The following MEGF8 variants were observed in gnomAD, a reference collection of about 807,000 sequenced individuals.
MEGF8 encodes the protein multiple epidermal growth factor-like domains protein 8.
MEGF8 carries 156 observed loss-of-function variants against 302.9 expected under a neutral mutation model. The observed-to-expected ratio is 0.52, with a 90% CI of 0.45 to 0.59. The LOEUF (loss-of-function observed/expected upper bound fraction) is 0.59, where lower values mean the gene tolerates loss of function less well. Ranked by LOEUF, MEGF8 falls within the 20% of genes least tolerant of loss-of-function variation. The pLI, the probability that MEGF8 is intolerant of heterozygous loss-of-function variation, is 0.00. For missense variants in MEGF8, 3,345 were observed against 3,964.5 expected (o/e 0.84, Z 4.20); for synonymous variants, 1,621 against 1,660.5 (o/e 0.98, Z 0.58).
Position 42,351,812 on chromosome 19 carries a change from A to C in MEGF8, c.3101+51A>C, listed in dbSNP as rs1202327914. ...GGGTGCCCGGCTGTGTCCTTCCTCC[A>C]TGACCGGTCATTCTAATGGCCTCTT... On this transcript the variant is annotated intron_variant, in intron 18 of 41. Transcript: ENST00000251268. This position sits in a 1 kb window ranked among gnomAD's most constrained non-coding sequence, Gnocchi z 5.6. The C allele has an allele frequency of 2.1e-6, 3 of 1,446,066 alleles. No individual in the cohort carries two copies. Among genetic ancestry groups the C allele is most frequent in the Admixed American group, 2.0e-5 (1 of 50,764 alleles). The allele number at this position is 1,446,066 out of a possible 1,614,324, so 89.6% of individuals were successfully genotyped here. A position where few individuals can be genotyped will look rare whatever the true frequency, so the allele number is the denominator to read the frequency against.
At position 42,358,355 on chromosome 19, in the gene MEGF8, G is replaced by C. The variant is rs374378290; in HGVS notation, c.5175+48G>C. ...CAAGGATGTATGGGGCAGGAGGGAG[G>C]GGTCCTCTTTCCCAGTGCCCCAGGG... is the stretch of plus-strand genomic sequence containing the variant. On this transcript the variant is annotated intron_variant, in intron 29 of 41. Transcript: ENST00000251268. This position sits in a 1 kb window ranked among gnomAD's most constrained non-coding sequence, Gnocchi z 4.4. 2.0e-4 allele frequency: 309 copies of C among 1,534,190 alleles called. No homozygotes were observed. The highest frequency in any genetic ancestry group is 2.6e-4 in the Non-Finnish European group (299 of 1,146,286).
chr19:42,356,830 G>A lies in MEGF8; in HGVS notation c.4679G>A (p.Gly1560Asp). Residue 1560 changes from glycine (G) to aspartate (D), a missense_variant, in exon 27 of 42, where the codon GGC becomes GAC. Transcript: ENST00000251268. The surrounding 1 kb of genome is among the most constrained non-coding windows in gnomAD (Gnocchi z 5.2). ...TQMLAGAEDGGPGPSPRSFHA... is the reference protein window; with the variant it reads ...TQMLAGAEDGDPGPSPRSFHA... The stretch of plus-strand genomic sequence containing the variant: ...ATGCTGGCGGGAGCCGAGGACGGGG[G>A]CCCAGGCCCATCGCCCCGCTCCTTC... The A allele has an allele frequency of 6.4e-7, 1 of 1,561,968 alleles. No homozygotes were observed. The highest frequency in any genetic ancestry group is 8.7e-7 in the Non-Finnish European group (1 of 1,153,222).
chr19:42,358,720 G>C lies in MEGF8; in HGVS notation c.5176-67G>C, dbSNP rs2039488000. On this transcript the variant is annotated intron_variant, in intron 29 of 41. Coordinates refer to ENST00000251268, the MANE Select transcript of MEGF8 (RefSeq NM_001271938.2). The surrounding 1 kb of genome is among the most constrained non-coding windows in gnomAD (Gnocchi z 4.4). ...GTCCACACGTTTCCAAGCCCGTCTT[G>C]GAGGCAGGGGGCTAGAAGCAAGAGA... The C allele has an allele frequency of 4.8e-6, 7 of 1,454,494 alleles. No individual in the cohort carries two copies. Among genetic ancestry groups the C allele is most frequent in the East Asian group, 5.0e-5 (2 of 40,090 alleles). The allele number at this position is 1,454,494 out of a possible 1,614,324, so 90.1% of individuals were successfully genotyped here.
At chr19:42,335,863 C>G in intron 5 of MEGF8, 68 bp from the exon 6 acceptor site, 1 of 1,383,316 alleles carries the variant, frequency 7.2e-7, no homozygotes, top group Non-Finnish European at 9.5e-7. Flanking sequence ...CTCTGCATCT[C>G]TCTGTCTAAG....
At chr19:42,333,221 G>A (rs1201985360) in intron 1 of MEGF8, among the ~76,000 whole-genome samples, 1 of 152,198 alleles carries the variant, frequency 6.6e-6, no homozygotes, top group African/African-American at 2.4e-5. Context: ...GCCTGGACAT[G>A]TCTGAAACTC....
chr19:42,346,303 C>T (rs757501086), intron 12 of MEGF8, among the ~76,000 whole-genome samples: 26 of 152,072 alleles, frequency 1.7e-4, no homozygotes, highest in Non-Finnish European at 2.4e-4. Context: ...CCTGTAATTC[C>T]GGCCGAGGTG....
rs1220148858 is a variant in MEGF8 at position 42,370,683 on chromosome 19, C to G, written c.7006-18C>G. 1.6e-5 allele frequency: 26 copies of G among 1,588,342 alleles called. No homozygotes were observed. The highest frequency in any genetic ancestry group is 3.5e-5 in the South Asian group (3 of 86,794). On this transcript the variant is annotated intron_variant, in intron 39 of 41. Coordinates refer to ENST00000251268, the MANE Select transcript of MEGF8 (RefSeq NM_001271938.2). ...TGGTCCAGGCCTTTCTATGATCACA[C>G]TGTCCTTCCTTGGCCAGATTGAAAA... is the stretch of plus-strand genomic sequence containing the variant.
Position 42,352,215 on chromosome 19 carries a change from C to G in MEGF8, c.3109C>G (p.Gln1037Glu). Reference sequence around the variant, plus strand: ...CACTCTCCCACCCTGCAGGTGCCTACAGGGGGACTTCTCAGGGCCCCTCGG... The same window carrying G: ...CACTCTCCCACCCTGCAGGTGCCTAGAGGGGGACTTCTCAGGGCCCCTCGG... Reference protein sequence around the residue: ...EDNPTLGRCLQGDFSGPLGGG... With the variant: ...EDNPTLGRCLEGDFSGPLGGG... Residue 1037 changes from glutamine (Q) to glutamate (E), a missense_variant, in exon 19 of 42, where the codon CAG becomes GAG. By Grantham distance (29) the Gln-to-Glu change is conservative (BLOSUM62 2). Coordinates refer to ENST00000251268, the MANE Select transcript of MEGF8 (RefSeq NM_001271938.2). The surrounding 1 kb of genome is among the most constrained non-coding windows in gnomAD (Gnocchi z 4.4). The G allele has an allele frequency of 6.5e-7, 1 of 1,537,684 alleles. No homozygotes were observed. Among genetic ancestry groups the G allele is most frequent in the Non-Finnish European group, 8.8e-7 (1 of 1,136,896 alleles).
rs369109702 is a variant in MEGF8, at chr19:42,349,249, A to G, written c.2299-250A>G. On this transcript the variant is annotated intron_variant, in intron 13 of 41. Coordinates refer to ENST00000251268, the MANE Select transcript of MEGF8 (RefSeq NM_001271938.2). ...TGGGAAGTTGAGGCTGCAGTGAGCC[A>G]TGATCGCATCACTGCACTTCAGCCT... Among the ~76,000 whole-genome samples the G allele has an allele frequency of 1.9e-4, 29 of 150,274 alleles. 2 individuals are homozygous for G. Among genetic ancestry groups the G allele is most frequent in the Admixed American group, 1.3e-3 (20 of 15,058 alleles).
intron 12 of MEGF8, among the ~76,000 whole-genome samples, chr19:42,347,553 C>T (rs1191569686): frequency 6.6e-6 from 1 of 151,454 alleles, no homozygotes; most frequent in South Asian, 2.1e-4. Context: ...AGTGCAATGG[C>T]GCAATCTCGG....
In MEGF8 at chr19:42,375,842, A is replaced by T; in HGVS notation, c.7605A>T (p.Pro2535=). The change falls in exon 42 of 42, where the codon CCA becomes CCT. Residue 2535 remains proline (P), a synonymous_variant. Coordinates refer to ENST00000251268, the MANE Select transcript of MEGF8 (RefSeq NM_001271938.2). The surrounding 1 kb of genome is among the most constrained non-coding windows in gnomAD (Gnocchi z 7.1). ...HIQPPPAPPP[P]PPPADGGPRG... Reference sequence around the variant, plus strand: ...AGCCACCCCCAGCCCCACCACCTCCACCACCCCCTGCAGATGGTGGGCCCC... The same window carrying T: ...AGCCACCCCCAGCCCCACCACCTCCTCCACCCCCTGCAGATGGTGGGCCCC... 1 of 1,609,046 alleles carries T rather than the reference A, an allele frequency of 6.2e-7. No homozygotes were observed. The highest frequency in any genetic ancestry group is 8.5e-7 in the Non-Finnish European group (1 of 1,178,484).
At chr19:42,337,492 CTTTCTTTTCT>C (rs1204873176) in intron 8 of MEGF8, among the ~76,000 whole-genome samples, 2 of 151,434 alleles carry the variant, frequency 1.3e-5, no homozygotes, top group East Asian at 3.9e-4. Context: ...TTCTTTTTAA[CTTTCTTTTCT>C]TTTCTTTTTT....
chr19:42,345,103 C>T (rs2039270642), intron 12 of MEGF8, among the ~76,000 whole-genome samples: 1 of 152,138 alleles, frequency 6.6e-6, no homozygotes, highest in Non-Finnish European at 1.5e-5. Flanking sequence ...TCCTGAGTAG[C>T]CGAGATTACA....
chr19:42,326,806 C>A (rs1462312027), intron 1 of MEGF8, among the ~76,000 whole-genome samples: 1 of 148,942 alleles, frequency 6.7e-6, no homozygotes, highest in Non-Finnish European at 1.5e-5. Flanking sequence ...GCAATGGTAC[C>A]AACACAATTT....
chr19:42,334,165 C>T lies in MEGF8; in HGVS notation c.510C>T (p.Gly170=), dbSNP rs1164855127. The T allele has an allele frequency of 1.9e-6, 3 of 1,610,856 alleles. No individual in the cohort carries two copies. The highest frequency in any genetic ancestry group is 2.5e-6 in the Non-Finnish European group (3 of 1,179,344). The change falls in exon 3 of 42, where the codon GGC becomes GGT. Residue 170 remains glycine, a synonymous_variant. Transcript: ENST00000251268. ...CEPGWGGPDC[G]LQECSAYCGS... is the part of the protein sequence containing the mutation. ...CGGGCTGGGGGGGTCCTGACTGTGG[C>T]CTGCAGGAGTGCTCAGCCTACTGTG...
At position 42,344,547 on chromosome 19, in the gene MEGF8, G is replaced by A. The variant is rs1568561326; in HGVS notation, c.1895G>A (p.Gly632Asp). Residue 632 changes from glycine (G) to aspartate (D), a missense_variant, in exon 11 of 42, where the codon GGC becomes GAC. Gly to Asp is a moderately conservative substitution (Grantham distance 94). Transcript: ENST00000251268. This position sits in a 1 kb window ranked among gnomAD's most constrained non-coding sequence, Gnocchi z 4.5. ...TAPPRGPGTL[G>D]WCVHNESCLP... Reference sequence around the variant, plus strand: ...CCTCCACGGGGACCTGGCACCCTGGGCTGGTGCGTGCACAATGAGAGCTGC... The same window carrying A: ...CCTCCACGGGGACCTGGCACCCTGGACTGGTGCGTGCACAATGAGAGCTGC... 2 of 1,599,836 alleles carry A rather than the reference G, an allele frequency of 1.3e-6. No individual in the cohort carries two copies. Among genetic ancestry groups the A allele is most frequent in the Non-Finnish European group, 1.7e-6 (2 of 1,178,676 alleles).
chr19:42,329,570 A>G (rs1248042266), intron 1 of MEGF8, among the ~76,000 whole-genome samples: 1 of 152,242 alleles, frequency 6.6e-6, no homozygotes, highest in Admixed American at 6.5e-5. Context: ...CTATTATAAA[A>G]TAAACAACCA....
At position 42,376,098 on chromosome 19, in the gene MEGF8, G is replaced by A; in HGVS notation, c.7861G>A (p.Asp2621Asn). 1 of 1,606,624 alleles carries A rather than the reference G, an allele frequency of 6.2e-7. No individual in the cohort carries two copies. The highest frequency in any genetic ancestry group is 8.5e-7 in the Non-Finnish European group (1 of 1,179,738). The change falls in exon 42 of 42, where the codon GAC becomes AAC. Residue 2621 changes from aspartate (D) to asparagine (N), a missense_variant. Transcript: ENST00000251268. The surrounding 1 kb of genome is among the most constrained non-coding windows in gnomAD (Gnocchi z 8.2). The stretch of plus-strand genomic sequence containing the variant: ...CTACCTGCTGCTGCTGGGCGTGGGA[G>A]ACCCAAGTGGGCCCGGCGCCAACGG... ...RFYLLLLGVG[D>N]PSGPGANGSA...
intron 9 of MEGF8, 47 bp from the exon 10 acceptor site, chr19:42,343,907 C>T (rs1307550512): frequency 6.3e-7 from 1 of 1,592,156 alleles, no homozygotes; most frequent in East Asian, 2.2e-5. Context: ...GAGAGGCCTC[C>T]TCCTCCGTCC....
Sources: gnomAD v4.1 joint callset for allele counts (sites outside exome capture counted in the v4.1 genomes callset) on GRCh38, gnomAD v4.1.1 for gene constraint, Gnocchi (gnomAD v3.1) non-coding constraint, MANE v1.5 for transcripts, NCBI Gene and HGNC (gene_info 2026-07-23, HGNC 2026-07-21) for gene names.